FABP9: variants seen among roughly 807,000 people sequenced by gnomAD.
The protein encoded by FABP9 is fatty acid-binding protein 9.
In FABP9, 11 loss-of-function variants were observed where a neutral mutation model predicts 14.7. The ratio of observed to expected loss-of-function variants is 0.75; its 90% CI spans 0.47 to 1.24. FABP9 has a LOEUF of 1.24. FABP9 is among the 50% of genes most tolerant of loss of function. The pLI, the probability that FABP9 is intolerant of heterozygous loss-of-function variation, is 0.00. For missense variants in FABP9, 171 were observed against 158.2 expected (o/e 1.08, Z -0.44); for synonymous variants, 54 against 50.6 (o/e 1.07, Z -0.29).
rs1053342793 is a variant in FABP9 at position 81,459,245 on chromosome 8, T to C, written c.166A>G (p.Ser56Gly). ...GAGATCTTAGTGTCCTGGAAAGAAC[T>C]TTCTGTTCTTATGGTCATCATTTTC... ...DGKMMTIRTE[S>G]SFQDTKISFK... The change falls in exon 2 of 4, where the codon AGT becomes GGT. Residue 56 changes from serine (S) to glycine (G), a missense_variant. By Grantham distance (56) the Ser-to-Gly change is moderately conservative. Transcript: ENST00000379071. The C allele has an allele frequency of 6.3e-7, 1 of 1,586,416 alleles. No individual in the cohort carries two copies. Among genetic ancestry groups the C allele is most frequent in the Admixed American group, 1.9e-5 (1 of 53,354 alleles).
rs61736844 is a variant in FABP9 at position 81,459,189 on chromosome 8, A to G, written c.222T>C (p.Thr74=). The change falls in exon 2 of 4, where the codon ACT becomes ACC. Residue 74 remains threonine (T), a synonymous_variant. Coordinates refer to ENST00000379071, the MANE Select transcript of FABP9 (RefSeq NM_001080526.2). ...SFKLGEEFDE[T]TADNRKVKST... ...CCTTTACTTTCCGGTTGTCTGCTGT[A>G]GTTTCATCAAATTCTTCCCCCAGCT... The G allele has an allele frequency of 6.3e-3, 10,087 of 1,590,490 alleles. 526 individuals carry two copies. The African/African-American group carries it at 0.12, about 19-fold the overall frequency.
chr8:81,459,092 T>A lies in FABP9; in HGVS notation c.246+73A>T. The A allele has an allele frequency of 3.0e-6, 4 of 1,331,410 alleles. No individual in the cohort carries two copies. The South Asian group carries it at 5.5e-5, about 18-fold the overall frequency. The allele number at this position is 1,331,410 out of a possible 1,614,324, so 82.5% of individuals were successfully genotyped here. On this transcript the variant is annotated intron_variant, in intron 2 of 3. Transcript: ENST00000379071. ...CAGACAGACTTGGTGATAAATCAAA[T>A]TACAGTAAACCATGCCTAACCACCT...
chr8:81,461,066 T>A (rs930331634), intron 1 of FABP9, among the ~76,000 whole-genome samples: 1 of 152,204 alleles, frequency 6.6e-6, no homozygotes, highest in Non-Finnish European at 1.5e-5. Flanking sequence ...AACTTAAACC[T>A]TGAAACAAAT....
In FABP9 at chr8:81,458,352, T is replaced by C. The variant is rs77479225; in HGVS notation, c.*31A>G. ...TCTTCAGGTACCAGTTCCTTGTCAG[T>C]GAACAAGTTTTCATTGCTGTGGACC... On this transcript the variant is annotated 3_prime_UTR_variant, in exon 4 of 4. Coordinates refer to ENST00000379071, the MANE Select transcript of FABP9 (RefSeq NM_001080526.2). 7.1e-6 allele frequency: 11 copies of C among 1,557,132 alleles called. No homozygotes were observed. Among genetic ancestry groups the C allele is most frequent in the Non-Finnish European group, 9.7e-6 (11 of 1,128,600 alleles).
rs764107436 is a variant in FABP9 at position 81,461,463 on chromosome 8, T to C, written c.61A>G (p.Met21Val). The C allele has an allele frequency of 4.3e-6, 7 of 1,612,292 alleles. No homozygotes were observed. In the South Asian group the frequency reaches 5.5e-5, roughly 13 times the overall value. The change falls in exon 1 of 4, where the codon ATG becomes GTG. Residue 21 changes from methionine to valine, a missense_variant. Transcript: ENST00000379071. ...LVSSENFEDY[M>V]KELGVNFAAR... ...TGGTATTTCTCACCCAGTTCTTTCA[T>C]GTAATCCTCAAAGTTTTCACTGGAG...
In FABP9 at chr8:81,458,653, A is replaced by G; in HGVS notation, c.297T>C (p.Leu99=). The G allele has an allele frequency of 6.2e-7, 1 of 1,613,930 alleles. No individual in the cohort carries two copies. Among genetic ancestry groups the G allele is most frequent in the Non-Finnish European group, 8.5e-7 (1 of 1,179,922 alleles). Residue 99 remains leucine (L), a synonymous_variant, in exon 3 of 4, where the codon CTT becomes CTC. Transcript: ENST00000379071. The part of the protein sequence containing the change: ...NGSMIHVQKW[L]GKETTIKRKI... ...TTCTTTTGATTGTTGTCTCTTTGCC[A>G]AGCCATTTTTGGACGTGAATCATTG...
At chr8:81,458,553 C>T (rs1450291895) in intron 3 of FABP9, 49 bp downstream of exon 3, 1 of 1,494,676 alleles carries the variant, frequency 6.7e-7, no homozygotes, top group African/African-American at 1.4e-5. Context: ...ACTTGAAAGG[C>T]ATGTATCAAA....
Position 81,459,262 on chromosome 8 carries a change from A to G in FABP9, c.149T>C (p.Met50Thr), listed in dbSNP as rs1430638093. ...GAAAGAACTTTCTGTTCTTATGGTCATCATTTTCCCATCAACACTAATAGT... is the reference window on the plus strand; with the variant it reads ...GAAAGAACTTTCTGTTCTTATGGTCGTCATTTTCCCATCAACACTAATAGT... ...TVTISVDGKMMTIRTESSFQD... is the reference protein window; with the variant it reads ...TVTISVDGKMTTIRTESSFQD... Residue 50 changes from methionine (M) to threonine (T), a missense_variant, in exon 2 of 4, where the codon ATG becomes ACG. Met to Thr is a moderately conservative substitution (Grantham distance 81). Coordinates refer to ENST00000379071, the MANE Select transcript of FABP9 (RefSeq NM_001080526.2). 2 of 1,581,758 alleles carry G rather than the reference A, an allele frequency of 1.3e-6. No individual in the cohort carries two copies. Among genetic ancestry groups the G allele is most frequent in the Non-Finnish European group, 1.7e-6 (2 of 1,169,530 alleles).
At position 81,458,481 on chromosome 8, in the gene FABP9, C is replaced by T. The variant is rs372026340; in HGVS notation, c.349-48G>A. 2.6e-6 allele frequency: 4 copies of T among 1,538,262 alleles called. No individual in the cohort carries two copies. In the African/African-American group the frequency reaches 5.5e-5, roughly 21 times the overall value. ...TAGAGCTGGTAGATAACAGGCTAAA[C>T]TTGCCCTGCCCCTTTCTCCTCAGAC... On this transcript the variant is annotated intron_variant, in intron 3 of 3. Transcript: ENST00000379071.
Position 81,458,829 on chromosome 8 carries a change from A to T in FABP9, c.247-126T>A, listed in dbSNP as rs1807638556. 1.0e-5 allele frequency: 7 copies of T among 687,144 alleles called. No individual in the cohort carries two copies. The South Asian group carries it at 1.4e-4, about 14-fold the overall frequency. 42.6% of individuals were successfully genotyped at this position (687,144 alleles called of 1,614,324 possible). On this transcript the variant is annotated intron_variant, in intron 2 of 3. Transcript: ENST00000379071. ...TAAAATCCTCACTTTTGTTGTCATG[A>T]TGTAGTACTATCAAACTAGAAGTCT...
Position 81,459,234 on chromosome 8 carries a change from C to CTTAG in FABP9, c.176_177insCTAA (p.Gln59HisfsTer2). The CTTAG allele has an allele frequency of 6.3e-7, 1 of 1,587,694 alleles. No homozygotes were observed. The highest frequency in any genetic ancestry group is 8.5e-7 in the Non-Finnish European group (1 of 1,171,482). ...CCAGCTTGAAGGAGATCTTAGTGTC[C>CTTAG]TGGAAAGAACTTTCTGTTCTTATGG... is the stretch of plus-strand genomic sequence containing the variant. On this transcript the variant is annotated stop_gained and frameshift_variant, in exon 2 of 4. Coordinates refer to ENST00000379071, the MANE Select transcript of FABP9 (RefSeq NM_001080526.2). LOFTEE classifies it high-confidence loss of function.
intron 1 of FABP9, among the ~76,000 whole-genome samples, chr8:81,460,954 T>C (rs1807682842): frequency 6.6e-6 from 1 of 152,216 alleles, no homozygotes; most frequent in Non-Finnish European, 1.5e-5. Flanking sequence ...AGATTTGTAA[T>C]TCTTCAAAAC....
In FABP9 at chr8:81,458,584, A is replaced by C; in HGVS notation, c.348+18T>G. ...TCAAATAGGAACATATAAAGACTTC[A>C]ATTTAAAGAAAACTTACCACTACCA... On this transcript the variant is annotated intron_variant, in intron 3 of 3. Coordinates refer to ENST00000379071, the MANE Select transcript of FABP9 (RefSeq NM_001080526.2). The C allele has an allele frequency of 4.4e-6, 7 of 1,578,500 alleles. No homozygotes were observed. Among genetic ancestry groups the C allele is most frequent in the Non-Finnish European group, 6.1e-6 (7 of 1,148,142 alleles).
intron 3 of FABP9, 76 bp downstream of exon 3, chr8:81,458,526 G>T: frequency 6.7e-7 from 1 of 1,486,036 alleles, no homozygotes; most frequent in Non-Finnish European, 9.4e-7. Context: ...AATTCAGGAT[G>T]CAAAAACAAT....
chr8:81,459,975 G>A (rs1038047922), intron 1 of FABP9, among the ~76,000 whole-genome samples: 5 of 132,264 alleles, frequency 3.8e-5, no homozygotes, highest in Admixed American at 7.3e-5. Flanking sequence ...ACTTGACCTC[G>A]CAAGTTTTTT....
intron 1 of FABP9, among the ~76,000 whole-genome samples, chr8:81,459,845 C>T (rs563700630): frequency 6.6e-6 from 1 of 152,328 alleles, no homozygotes; most frequent in East Asian, 1.9e-4. Context: ...ACATCTGCAT[C>T]ACAAAGAAGA....
intron 1 of FABP9, among the ~76,000 whole-genome samples, 155 bp from the exon 2 acceptor site, chr8:81,459,492 G>A (rs1807654919): frequency 2.0e-5 from 3 of 152,304 alleles, no homozygotes; most frequent in South Asian, 4.1e-4. Context: ...GGCTGAGCTA[G>A]ATCCTCCCAG....
chr8:81,458,579 A>T lies in FABP9; in HGVS notation c.348+23T>A, dbSNP rs143837973. 3.3e-4 allele frequency: 516 copies of T among 1,553,942 alleles called. No homozygotes were observed. In the African/African-American group the frequency reaches 6.2e-3, roughly 19 times the overall value. ...ATGTATCAAATAGGAACATATAAAG[A>T]CTTCAATTTAAAGAAAACTTACCAC... On this transcript the variant is annotated intron_variant, in intron 3 of 3. Coordinates refer to ENST00000379071, the MANE Select transcript of FABP9 (RefSeq NM_001080526.2).
chr8:81,461,064 C>A (rs1210663239), intron 1 of FABP9, among the ~76,000 whole-genome samples: 1 of 152,062 alleles, frequency 6.6e-6, no homozygotes, highest in Non-Finnish European at 1.5e-5. Context: ...ATAACTTAAA[C>A]CTTGAAACAA....
Sources: gnomAD v4.1 joint callset for allele counts (sites outside exome capture counted in the v4.1 genomes callset) on GRCh38, gnomAD v4.1.1 for gene constraint, MANE v1.5 for transcripts, NCBI Gene and HGNC (gene_info 2026-07-23, HGNC 2026-07-21) for gene names.